ITPKB: variants seen among roughly 807,000 people sequenced by gnomAD.
ITPKB encodes the protein IP3 3-kinase B.
A neutral mutation model predicts 69.4 loss-of-function variants in ITPKB; 13 were observed. That is an observed-to-expected ratio of 0.19 (90% CI 0.12 to 0.30). The LOEUF (loss-of-function observed/expected upper bound fraction) is 0.30, where lower values mean the gene tolerates loss of function less well. Ranked by LOEUF, ITPKB falls within the 10% of genes least tolerant of loss-of-function variation. ITPKB has a pLI of 1.00. For missense variants in ITPKB, 1,240 were observed against 1,250.5 expected (o/e 0.99, Z 0.13); for synonymous variants, 584 against 513.7 (o/e 1.14, Z -1.85).
rs757837062 is a variant in ITPKB, at chr1:226,736,729, T to C, written c.730A>G (p.Thr244Ala). 6.8e-6 allele frequency: 11 copies of C among 1,612,772 alleles called. No individual in the cohort carries two copies. The highest frequency in any genetic ancestry group is 2.2e-5 in the East Asian group (1 of 44,846). Residue 244 changes from threonine (T) to alanine (A), a missense_variant, in exon 2 of 8, where the codon ACA becomes GCA. Thr to Ala is a moderately conservative substitution (Grantham distance 58, BLOSUM62 0). Coordinates refer to ENST00000429204, the MANE Select transcript of ITPKB (RefSeq NM_002221.4). ...MPPLPGRAAPTGSEAQGPSAF... is the reference protein window; with the variant it reads ...MPPLPGRAAPAGSEAQGPSAF... The stretch of plus-strand genomic sequence containing the variant: ...GATGGACCCTGAGCCTCTGATCCTG[T>C]AGGGGCAGCCCGGCCGGGAAGAGGT...
chr1:226,634,097 G>A lies in ITPKB; in HGVS notation c.*574C>T, dbSNP rs1013230476. On this transcript the variant is annotated 3_prime_UTR_variant, in exon 8 of 8. Transcript: ENST00000429204. The surrounding 1 kb of genome is among the most constrained non-coding windows in gnomAD (Gnocchi z 6.3). ...CTGAGCAGCCCTGGAGAGGCCACCAGGGCATCCCTGAGGCTGCTAATCGGA... is the reference window on the plus strand; with the variant it reads ...CTGAGCAGCCCTGGAGAGGCCACCAAGGCATCCCTGAGGCTGCTAATCGGA... 1.3e-5 allele frequency: 2 copies of A among 154,366 alleles called. No homozygotes were observed. The highest frequency in any genetic ancestry group is 4.8e-5 in the African/African-American group (2 of 41,466). The allele number at this position is 154,366 out of a possible 1,614,324, so 9.6% of individuals were successfully genotyped here.
chr1:226,695,711 G>C (rs988153141), intron 2 of ITPKB, among the ~76,000 whole-genome samples: 6 of 152,208 alleles, frequency 3.9e-5, no homozygotes, highest in African/African-American at 1.4e-4. Flanking sequence ...TCTGGCAGCC[G>C]CAGCAAGAGT....
At chr1:226,711,194 A>T (rs1484960078) in intron 2 of ITPKB, among the ~76,000 whole-genome samples, 1 of 152,110 alleles carries the variant, frequency 6.6e-6, no homozygotes, top group African/African-American at 2.4e-5. Context: ...AAAAATGAAA[A>T]TTCTTCACTT....
Position 226,641,912 on chromosome 1 carries a change from C to T in ITPKB, c.2451+9G>A, listed in dbSNP as rs201147570. The T allele has an allele frequency of 1.3e-4, 209 of 1,609,868 alleles. 1 individual carries two copies. The East Asian group carries it at 3.7e-3, about 28-fold the overall frequency. ...GGGGCCCGAGGCTGCCCTCACTCGC[C>T]GGCCTCACCTTGATTCCCTCGATCC... On this transcript the variant is annotated intron_variant, in intron 5 of 7. Transcript: ENST00000429204. The surrounding 1 kb of genome is among the most constrained non-coding windows in gnomAD (Gnocchi z 4.6).
intron 2 of ITPKB, among the ~76,000 whole-genome samples, chr1:226,705,972 A>G (rs914999941): frequency 2.0e-5 from 3 of 152,220 alleles, no homozygotes; most frequent in Admixed American, 1.3e-4. Context: ...ATATGTTCAC[A>G]TAAACATCAA....
At chr1:226,733,383 C>G (rs980306688) in intron 2 of ITPKB, among the ~76,000 whole-genome samples, 1 of 152,166 alleles carries the variant, frequency 6.6e-6, no homozygotes, top group Non-Finnish European at 1.5e-5. Flanking sequence ...CTTCTGTAGA[C>G]AAAATATCTA....
chr1:226,718,509 G>A (rs777457452), intron 2 of ITPKB, among the ~76,000 whole-genome samples: 3 of 152,038 alleles, frequency 2.0e-5, no homozygotes, highest in Non-Finnish European at 4.4e-5. Context: ...GCTAAGGCGG[G>A]AGGATCCCTT....
intron 2 of ITPKB, among the ~76,000 whole-genome samples, chr1:226,704,159 C>T (rs990685351): frequency 1.3e-5 from 2 of 152,042 alleles, no homozygotes; most frequent in Admixed American, 1.3e-4. Flanking sequence ...AGCCGAATTC[C>T]GTTTACCTTT....
rs1026661546 is a variant in ITPKB, at chr1:226,735,922, T to C, written c.1537A>G (p.Met513Val). ...PGNSRVWQGT[M>V]EKAGLAWTRG... ...GTCCAAGCCAAACCGGCTTTCTCCA[T>C]GGTGCCCTGCCAAACCCTGGAGTTC... The change falls in exon 2 of 8, where the codon ATG becomes GTG. Residue 513 changes from methionine to valine, a missense_variant. Physicochemically the swap from Met to Val is conservative, Grantham distance 21 (BLOSUM62 1). This residue lies in a region of ITPKB where 992 missense variants were observed against 853.8 expected (regional missense o/e 1.16). Transcript: ENST00000429204. The C allele has an allele frequency of 1.9e-6, 3 of 1,614,018 alleles. No homozygotes were observed. Among genetic ancestry groups the C allele is most frequent in the Non-Finnish European group, 2.5e-6 (3 of 1,179,932 alleles).
Position 226,633,311 on chromosome 1 carries a change from C to G in ITPKB, c.*1360G>C, listed in dbSNP as rs1025324341. On this transcript the variant is annotated 3_prime_UTR_variant, in exon 8 of 8. Coordinates refer to ENST00000429204, the MANE Select transcript of ITPKB (RefSeq NM_002221.4). ...ATAGTCTCCCTCTGTGTCCCTAGCT[C>G]CTGGACTCTCCCAGCTCCTGTACCT... 40 of 152,296 alleles carry G rather than the reference C, an allele frequency of 2.6e-4. No individual in the cohort carries two copies. Among genetic ancestry groups the G allele is most frequent in the African/African-American group, 8.7e-4 (36 of 41,538 alleles). 9.4% of individuals were successfully genotyped at this position (152,296 alleles called of 1,614,324 possible).
In ITPKB at chr1:226,655,829, G is replaced by C. The variant is rs144630543; in HGVS notation, c.1933-7058C>G. ...GCAATTTGGGGTGGGTAGAAGAAAGGGTTGTGACGCTGGGGGCAGACACTT... is the reference window on the plus strand; with the variant it reads ...GCAATTTGGGGTGGGTAGAAGAAAGCGTTGTGACGCTGGGGGCAGACACTT... On this transcript the variant is annotated intron_variant, in intron 2 of 7. Coordinates refer to ENST00000429204, the MANE Select transcript of ITPKB (RefSeq NM_002221.4). Among the ~76,000 whole-genome samples the C allele has an allele frequency of 3.9e-5, 6 of 152,324 alleles. No individual in the cohort carries two copies. The East Asian group carries it at 5.8e-4, about 15-fold the overall frequency.
intron 2 of ITPKB, among the ~76,000 whole-genome samples, chr1:226,729,275 A>G (rs541637656): frequency 6.6e-6 from 1 of 152,152 alleles, no homozygotes; most frequent in African/African-American, 2.4e-5. Context: ...CAAGATCAAG[A>G]GATAGAGACC....
At chr1:226,711,405 A>AAGAGAG (rs59479705) in intron 2 of ITPKB, among the ~76,000 whole-genome samples, 1,452 of 129,750 alleles carry the variant, frequency 0.011, 11 homozygotes, top group Non-Finnish European at 0.014. Flanking sequence ...GGTGTTTTGA[A>AAGAGAG]AGAGAGAGAG....
At chr1:226,643,905 G>A (rs562257947) in intron 4 of ITPKB, among the ~76,000 whole-genome samples, 4 of 152,344 alleles carry the variant, frequency 2.6e-5, no homozygotes, top group South Asian at 4.1e-4. Flanking sequence ...CACGCACAGA[G>A]CACACCCCTC....
At chr1:226,685,605 C>G (rs1365675477) in intron 2 of ITPKB, among the ~76,000 whole-genome samples, 1 of 152,208 alleles carries the variant, frequency 6.6e-6, no homozygotes, top group Non-Finnish European at 1.5e-5. Flanking sequence ...ACCCTGCCCT[C>G]ACAGGCCTCC....
At chr1:226,638,219 A>G (rs936503933) in intron 6 of ITPKB, among the ~76,000 whole-genome samples, 5 of 152,130 alleles carry the variant, frequency 3.3e-5, no homozygotes, top group Admixed American at 6.5e-5. Context: ...CAGGCATAGG[A>G]GGCATGTTCC....
intron 2 of ITPKB, among the ~76,000 whole-genome samples, chr1:226,683,658 G>C (rs1445913268): frequency 1.3e-5 from 2 of 152,044 alleles, no homozygotes; most frequent in African/African-American, 4.8e-5. Context: ...CTAAGCTCTA[G>C]CTGAACTCAG....
rs538726951 is a variant in ITPKB, at chr1:226,671,656, A to G, written c.1933-22885T>C. ...AAAGCCAGGTAGGGGAAAAGGGAGA[A>G]CCCCAGGGAGGCGGGGAGAGGGGTG... On this transcript the variant is annotated intron_variant, in intron 2 of 7. Coordinates refer to ENST00000429204, the MANE Select transcript of ITPKB (RefSeq NM_002221.4). 1.7e-3 allele frequency among the ~76,000 whole-genome samples: 253 copies of G among 152,236 alleles called. 2 individuals carry two copies. The highest frequency in any genetic ancestry group is 5.9e-3 in the African/African-American group (246 of 41,532).
chr1:226,696,596 T>C (rs775432576), intron 2 of ITPKB, among the ~76,000 whole-genome samples: 1 of 152,216 alleles, frequency 6.6e-6, no homozygotes. Flanking sequence ...TACTAGCTGC[T>C]GCTATTTCTC....
Sources: gnomAD v4.1 joint callset for allele counts (sites outside exome capture counted in the v4.1 genomes callset) on GRCh38, gnomAD v4.1.1 for gene constraint, gnomAD v4.1.1 regional missense constraint, Gnocchi (gnomAD v3.1) non-coding constraint, MANE v1.5 for transcripts, NCBI Gene and HGNC (gene_info 2026-07-23, HGNC 2026-07-21) for gene names.